MYO5A: variants seen among roughly 807,000 people sequenced by gnomAD.
The protein encoded by MYO5A is myosin VA.
MYO5A carries 98 observed loss-of-function variants against 249.7 expected under a neutral mutation model. The observed-to-expected ratio is 0.39, with a 90% CI of 0.33 to 0.46. The LOEUF is 0.46. Ranked by LOEUF, MYO5A falls within the 20% of genes least tolerant of loss-of-function variation. MYO5A has a pLI of 0.98. For missense variants in MYO5A, 1,696 were observed against 2,308.8 expected, an observed-to-expected ratio of 0.73 and a Z score of 5.44; for synonymous variants, 778 against 810.6, an observed-to-expected ratio of 0.96 and a Z score of 0.68.
At chr15:52,496,081 A>G (rs1164759106) in intron 1 of MYO5A, among the ~76,000 whole-genome samples, 2 of 101,360 alleles carry the variant, frequency 2.0e-5, no homozygotes, top group Non-Finnish European at 4.1e-5. Context: ...AATTTTTAAA[A>G]AAAAGAGAAA....
intron 18 of MYO5A, among the ~76,000 whole-genome samples, chr15:52,379,054 T>C (rs530070818): frequency 4.6e-5 from 7 of 152,218 alleles, no homozygotes; most frequent in African/African-American, 9.7e-5. Flanking sequence ...GCAAACCCTA[T>C]GCTTACCCTG....
intron 6 of MYO5A, among the ~76,000 whole-genome samples, chr15:52,409,422 T>A (rs768833964): frequency 2.6e-5 from 4 of 152,204 alleles, no homozygotes; most frequent in African/African-American, 9.6e-5. Flanking sequence ...ATATTAAATA[T>A]AATACTTCAT....
In MYO5A at chr15:52,396,317, A is replaced by G; in HGVS notation, c.1400T>C (p.Met467Thr). The change falls in exon 11 of 42, where the codon ATG becomes ACG. Residue 467 changes from methionine (M) to threonine (T), a missense_variant and splice_region_variant. Physicochemically the swap from Met to Thr is moderately conservative, Grantham distance 81. This residue lies in a region of MYO5A where 277 missense variants were observed against 422.4 expected (regional missense o/e 0.66). Transcript: ENST00000399233. ...TTATTCAAGGAAGAACATTCTTACC[A>G]TATTGAATTGTTGCTGTAGTTTTTC... ...ANEKLQQQFN[M>T]HVFKLEQEEY... The G allele has an allele frequency of 6.7e-7, 1 of 1,490,400 alleles. No homozygotes were observed. The highest frequency in any genetic ancestry group is 1.1e-5 in the South Asian group (1 of 87,012). 92.3% of individuals were successfully genotyped at this position (1,490,400 alleles called of 1,614,324 possible). A position where few individuals can be genotyped will look rare whatever the true frequency, so the allele number is the denominator to read the frequency against.
At chr15:52,367,007 G>GTGTAGTAC (rs1201197545) in intron 23 of MYO5A, 24 bp downstream of exon 23, 7 of 1,584,708 alleles carry the variant, frequency 4.4e-6, no homozygotes, top group Non-Finnish European at 3.5e-6. Context: ...GTTGGTTGGC[G>GTGTAGTAC]TGTAGTACGC....
intron 1 of MYO5A, among the ~76,000 whole-genome samples, chr15:52,482,579 A>C (rs1365979294): frequency 1.3e-5 from 2 of 152,230 alleles, no homozygotes; most frequent in African/African-American, 4.8e-5. Flanking sequence ...ATCACACATC[A>C]AAAACAACTC....
chr15:52,458,651 T>A (rs2076168824), intron 1 of MYO5A, among the ~76,000 whole-genome samples: 1 of 151,560 alleles, frequency 6.6e-6, no homozygotes, highest in Non-Finnish European at 1.5e-5. Context: ...AAAGAAATAA[T>A]AAATGTTCAA....
intron 1 of MYO5A, among the ~76,000 whole-genome samples, chr15:52,491,837 T>C (rs1382615724): frequency 6.6e-6 from 1 of 152,132 alleles, no homozygotes; most frequent in Non-Finnish European, 1.5e-5. Context: ...GGCAACATAA[T>C]TAGCAAAAAC....
chr15:52,387,572 G>A (rs1057270091), intron 14 of MYO5A, among the ~76,000 whole-genome samples: 12 of 152,182 alleles, frequency 7.9e-5, no homozygotes, highest in Non-Finnish European at 1.2e-4. Context: ...AATTTGGCTT[G>A]AAAACTCGGT....
chr15:52,510,259 A>T (rs1399916904), intron 1 of MYO5A, among the ~76,000 whole-genome samples: 2 of 152,230 alleles, frequency 1.3e-5, no homozygotes, highest in African/African-American at 4.8e-5. Flanking sequence ...GGAATCATGT[A>T]TAATAAACTA....
intron 9 of MYO5A, among the ~76,000 whole-genome samples, chr15:52,405,036 T>TTC (rs750736936): frequency 1.6e-3 from 151 of 97,222 alleles, no homozygotes; most frequent in African/African-American, 5.2e-3. Context: ...CCCTCTCTCT[T>TTC]TCTCTCTCTC....
intron 12 of MYO5A, 121 bp downstream of exon 12, chr15:52,391,809 C>A (rs1240022792): frequency 9.5e-6 from 10 of 1,050,582 alleles, no homozygotes; most frequent in South Asian, 2.7e-5. Context: ...AAGCATAACC[C>A]CTACTTGTCA....
intron 39 of MYO5A, 47 bp from the exon 40 acceptor site, chr15:52,317,269 T>C (rs1253463713): frequency 6.3e-7 from 1 of 1,583,090 alleles, no homozygotes; most frequent in Admixed American, 1.7e-5. Context: ...CTGAATTTTG[T>C]CAAAAATGTC....
chr15:52,416,024 T>A, intron 5 of MYO5A, 121 bp downstream of exon 5: 1 of 1,190,286 alleles, frequency 8.4e-7, no homozygotes, highest in Non-Finnish European at 1.2e-6. Context: ...TAGAAAAGCA[T>A]TTTCTTAATT....
chr15:52,435,159 G>A (rs2075634802), intron 1 of MYO5A, among the ~76,000 whole-genome samples: 1 of 151,812 alleles, frequency 6.6e-6, no homozygotes, highest in Admixed American at 6.6e-5. Context: ...AAAGCGAAAA[G>A]AAAGTGGGTG....
intron 1 of MYO5A, among the ~76,000 whole-genome samples, chr15:52,486,411 TG>T (rs1283253559): frequency 2.6e-5 from 4 of 152,250 alleles, no homozygotes; most frequent in Middle Eastern, 3.2e-3. Context: ...AAAGAATGTC[TG>T]GCCCCGACTT....
intron 36 of MYO5A, among the ~76,000 whole-genome samples, chr15:52,324,855 C>G (rs1174146901): frequency 6.6e-6 from 1 of 152,052 alleles, no homozygotes; most frequent in East Asian, 1.9e-4. Context: ...GGATATCAAA[C>G]CTAACTAAGT....
At chr15:52,476,149 CTTCT>C (rs1421865286) in intron 1 of MYO5A, among the ~76,000 whole-genome samples, 1 of 152,098 alleles carries the variant, frequency 6.6e-6, no homozygotes, top group Non-Finnish European at 1.5e-5. Flanking sequence ...ATGTAATGGC[CTTCT>C]TTGTCTCTTC....
In MYO5A at chr15:52,322,834, C is replaced by CT. The variant is rs552695001; in HGVS notation, c.4800+520dup. The stretch of plus-strand genomic sequence containing the variant: ...CCAAGAGTATTAATATTAAAATTTT[C>CT]TTTTTTTTTTTTAAACTTTAAGTTT... On this transcript the variant is annotated intron_variant, in intron 37 of 41. Coordinates refer to ENST00000399233, the MANE Select transcript of MYO5A (RefSeq NM_001382347.1). Among the ~76,000 whole-genome samples, 282 of 138,652 alleles carry CT rather than the reference C, an allele frequency of 2.0e-3. 7 individuals carry two copies. In the East Asian group the frequency reaches 0.031, roughly 15 times the overall value. 91.0% of individuals were successfully genotyped at this position (138,652 alleles called of 152,430 possible). A position where few individuals can be genotyped will look rare whatever the true frequency, so the allele number is the denominator to read the frequency against.
intron 1 of MYO5A, among the ~76,000 whole-genome samples, chr15:52,513,146 G>A (rs966713323): frequency 6.7e-6 from 1 of 148,272 alleles, no homozygotes; most frequent in Non-Finnish European, 1.5e-5. Flanking sequence ...TACAGAATAA[G>A]CTGGCCGGGT....
Sources: gnomAD v4.1 joint callset for allele counts (sites outside exome capture counted in the v4.1 genomes callset) on GRCh38, gnomAD v4.1.1 for gene constraint, gnomAD v4.1.1 regional missense constraint, MANE v1.5 for transcripts, NCBI Gene and HGNC (gene_info 2026-07-23, HGNC 2026-07-21) for gene names.